RPA3: variants seen among roughly 807,000 people sequenced by gnomAD.
RPA3 encodes replication protein A3.
Under a neutral mutation model 13.7 loss-of-function variants are expected in RPA3, and 24 were observed. The ratio of observed to expected loss-of-function variants is 1.75; its 90% CI spans 1.27 to 2.46. The LOEUF (loss-of-function observed/expected upper bound fraction) is 2.46. Among genes scored for constraint, RPA3 ranks in the 30% most tolerant of loss-of-function variants. RPA3 has a pLI of 0.00. For missense variants in RPA3, 183 were observed against 151.0 expected, an observed-to-expected ratio of 1.21 and a Z score of -1.11; for synonymous variants, 59 against 51.2, an observed-to-expected ratio of 1.15 and a Z score of -0.65.
intron 4 of RPA3, among the ~76,000 whole-genome samples, chr7:7,660,363 T>C (rs1003169768): frequency 1.3e-5 from 2 of 152,256 alleles, no homozygotes; most frequent in African/African-American, 4.8e-5. Context: ...GCTGGTTATT[T>C]TTCCAGTTAG....
intron 4 of RPA3, among the ~76,000 whole-genome samples, chr7:7,654,043 T>C (rs1269191083): frequency 1.3e-5 from 2 of 152,198 alleles, no homozygotes; most frequent in African/African-American, 2.4e-5. Flanking sequence ...GTTTTTCATA[T>C]TGTGAATAAG....
At chr7:7,656,583 TG>T (rs1785349400) in intron 4 of RPA3, among the ~76,000 whole-genome samples, 1 of 152,162 alleles carries the variant, frequency 6.6e-6, no homozygotes, top group African/African-American at 2.4e-5. Context: ...TTTCTGTTCT[TG>T]TGTTTGTTTG....
intron 2 of RPA3, among the ~76,000 whole-genome samples, chr7:7,687,710 T>C (rs1007982142): frequency 1.3e-5 from 2 of 152,202 alleles, no homozygotes; most frequent in Admixed American, 6.5e-5. Flanking sequence ...GGTATTTCCA[T>C]CAAAAATGAT....
chr7:7,683,157 C>T (rs1425903181), intron 4 of RPA3, among the ~76,000 whole-genome samples: 1 of 152,182 alleles, frequency 6.6e-6, no homozygotes, highest in Admixed American at 6.5e-5. Context: ...GTGGGAAAGT[C>T]ATTCATTTTT....
intron 7 of RPA3, 44 bp from the exon 8 acceptor site, chr7:7,637,126 T>C (rs201108324): frequency 1.6e-6 from 2 of 1,280,094 alleles, no homozygotes; most frequent in East Asian, 4.6e-5. Context: ...CAATGGAAAG[T>C]TGTAACATCA....
chr7:7,643,473 G>T (rs1478369852), intron 4 of RPA3, among the ~76,000 whole-genome samples: 3 of 152,232 alleles, frequency 2.0e-5, no homozygotes, highest in Non-Finnish European at 4.4e-5. Context: ...CACTTTGGGA[G>T]GCTGAAGCGG....
chr7:7,691,658 C>T (rs1780175009), intron 2 of RPA3, among the ~76,000 whole-genome samples: 1 of 152,160 alleles, frequency 6.6e-6, no homozygotes, highest in African/African-American at 2.4e-5. Flanking sequence ...ATTTTTATCT[C>T]TAAAGTTTTC....
rs756067439 is a variant in RPA3, at chr7:7,637,884, T to G, written c.263A>C (p.Lys88Thr). 1.2e-6 allele frequency: 2 copies of G among 1,612,806 alleles called. No individual in the cohort carries two copies. The highest frequency in any genetic ancestry group is 2.2e-5 in the South Asian group (2 of 90,950). Residue 88 changes from lysine (K) to threonine (T), a missense_variant, in exon 7 of 8, where the codon AAA becomes ACA. Physicochemically the swap from Lys to Thr is moderately conservative, Grantham distance 78. Transcript: ENST00000223129. Reference protein sequence around the residue: ...TILCTSYVQFKEDSHPFDLGL... With the variant: ...TILCTSYVQFTEDSHPFDLGL... ...TTTACCAAAAGGATGGCTATCTTCT[T>G]TAAACTGGACATAAGATGTACACAA...
At chr7:7,639,049 C>A in intron 6 of RPA3, 21 bp downstream of exon 6, 1 of 1,570,910 alleles carries the variant, frequency 6.4e-7, no homozygotes, top group Non-Finnish European at 8.7e-7. Context: ...ATATAAGAGA[C>A]TTATTAACAC....
intron 4 of RPA3, among the ~76,000 whole-genome samples, chr7:7,659,044 G>A (rs1420363687): frequency 6.6e-6 from 1 of 152,178 alleles, no homozygotes; most frequent in Non-Finnish European, 1.5e-5. Context: ...GAAGGTGTAT[G>A]TGTCCAGGAA....
chr7:7,714,322 T>A (rs917651636), intron 2 of RPA3, among the ~76,000 whole-genome samples: 15 of 152,352 alleles, frequency 9.8e-5, no homozygotes, highest in African/African-American at 3.4e-4. Context: ...AGACTTTCTT[T>A]GGCTGCTCCA....
intron 4 of RPA3, among the ~76,000 whole-genome samples, chr7:7,661,470 T>C (rs1785472491): frequency 6.6e-6 from 1 of 152,230 alleles, no homozygotes; most frequent in Admixed American, 6.5e-5. Flanking sequence ...CCTTTGATGC[T>C]GGTGACCTTT....
In RPA3 at chr7:7,637,069, G is replaced by T. The variant is rs1268684561; in HGVS notation, c.297C>A (p.Tyr99Ter). ...EDSHPFDLGL[Y>*]NEAVKIIHDF... is the part of the protein sequence containing the mutation. ...CATGGATAATTTTCACAGCTTCATT[G>T]TAAAGTCCAAGATCTGAAAGAAACA... The change falls in exon 8 of 8, where the codon TAC becomes TAA. Residue 99 changes from tyrosine (Y) to a stop codon, truncating the protein, a stop_gained. Coordinates refer to ENST00000223129, the MANE Select transcript of RPA3 (RefSeq NM_002947.5). LOFTEE classifies it high-confidence loss of function. 12 of 1,609,756 alleles carry T rather than the reference G, an allele frequency of 7.5e-6. No individual in the cohort carries two copies. In the African/African-American group the frequency reaches 1.5e-4, roughly 20 times the overall value.
At position 7,646,529 on chromosome 7, in the gene RPA3, A is replaced by G. The variant is rs374059651; in HGVS notation, c.-757-5354T>C. Reference sequence around the variant, plus strand: ...TTAATTCTCTCGTCTGACACCATGTAAGACGTACCTTTTGCTTTCCGCCAT... The same window carrying G: ...TTAATTCTCTCGTCTGACACCATGTGAGACGTACCTTTTGCTTTCCGCCAT... On this transcript the variant is annotated intron_variant, in intron 4 of 7. Transcript: ENST00000223129. Among the ~76,000 whole-genome samples, 12 of 140,292 alleles carry G rather than the reference A, an allele frequency of 8.6e-5. No individual in the cohort carries two copies. In the East Asian group the frequency reaches 2.2e-3, roughly 26 times the overall value. 92.0% of individuals were successfully genotyped at this position (140,292 alleles called of 152,430 possible). A position where few individuals can be genotyped will look rare whatever the true frequency, so the allele number is the denominator to read the frequency against.
At chr7:7,676,485 A>T (rs1458427905) in intron 4 of RPA3, among the ~76,000 whole-genome samples, 1 of 152,150 alleles carries the variant, frequency 6.6e-6, no homozygotes, top group Admixed American at 6.5e-5. Context: ...ATCTTTTTGT[A>T]AAAAAAGTTA....
intron 4 of RPA3, among the ~76,000 whole-genome samples, chr7:7,646,899 C>G (rs1785109408): frequency 6.6e-6 from 1 of 152,098 alleles, no homozygotes; most frequent in African/African-American, 2.4e-5. Context: ...CATATTGGGC[C>G]AAAAGGCAAC....
intron 5 of RPA3, chr7:7,639,965 G>A (rs1563072299): frequency 7.3e-6 from 2 of 273,920 alleles, no homozygotes; most frequent in South Asian, 3.8e-5. Context: ...AGAAGAGAAG[G>A]AAACCAGCAG....
chr7:7,683,454 T>C (rs1034995642), intron 4 of RPA3, among the ~76,000 whole-genome samples: 3 of 152,170 alleles, frequency 2.0e-5, no homozygotes, highest in Non-Finnish European at 4.4e-5. Context: ...TGAAAAAGAC[T>C]TCATAAAATA....
Position 7,659,090 on chromosome 7 carries a change from C to T in RPA3, c.-757-17915G>A, listed in dbSNP as rs549043416. Among the ~76,000 whole-genome samples the T allele has an allele frequency of 2.9e-4, 44 of 152,214 alleles. No individual in the cohort carries two copies. In the South Asian group the frequency reaches 4.4e-3, roughly 15 times the overall value. On this transcript the variant is annotated intron_variant, in intron 4 of 7. Coordinates refer to ENST00000223129, the MANE Select transcript of RPA3 (RefSeq NM_002947.5). ...TCTTCTAGATTTTCTAGTTTATTTG[C>T]GTAGCTTGTTTATAGTATTCTCTGA...
Sources: gnomAD v4.1 joint callset for allele counts (sites outside exome capture counted in the v4.1 genomes callset) on GRCh38, gnomAD v4.1.1 for gene constraint, MANE v1.5 for transcripts, NCBI Gene and HGNC (gene_info 2026-07-23, HGNC 2026-07-21) for gene names.